Variants in PRRC2C observed in about 807,000 individuals in gnomAD.
The protein encoded by PRRC2C is proline rich coiled-coil 2C.
In PRRC2C, 72 loss-of-function variants were observed where a neutral mutation model predicts 317.2. That is an observed-to-expected ratio of 0.23 (90% CI 0.19 to 0.28). The LOEUF is 0.28. PRRC2C is among the 10% of genes least tolerant of loss of function. The pLI is 1.00. For synonymous variants in PRRC2C, 1,296 were observed against 1,205.9 expected, an observed-to-expected ratio of 1.07 and a Z score of -1.55; for missense variants, 3,074 against 3,459.7, an observed-to-expected ratio of 0.89 and a Z score of 2.80.
Position 171,541,881 on chromosome 1 carries a change from A to G in PRRC2C, c.4415A>G (p.Asn1472Ser). 1.2e-6 allele frequency: 2 copies of G among 1,613,848 alleles called. No individual in the cohort carries two copies. Among genetic ancestry groups the G allele is most frequent in the Non-Finnish European group, 1.7e-6 (2 of 1,179,840 alleles). Residue 1472 changes from asparagine to serine, a missense_variant, in exon 16 of 35, where the codon AAT becomes AGT. Asn to Ser is a conservative substitution (Grantham distance 46). Coordinates refer to ENST00000647382, the MANE Select transcript of PRRC2C (RefSeq NM_001387844.1). This position sits in a 1 kb window ranked among gnomAD's most constrained non-coding sequence, Gnocchi z 4.1. ...TVNNVAQEPV[N>S]TLGDISGNKT... ...AATAATGTGGCTCAAGAACCAGTTA[A>G]TACTCTTGGGGATATTTCCGGGAAT...
chr1:171,508,872 AT>A (rs564538191), intron 1 of PRRC2C, among the ~76,000 whole-genome samples: 215 of 149,650 alleles, frequency 1.4e-3, no homozygotes, highest in Middle Eastern at 3.4e-3. Flanking sequence ...CATCAATTTA[AT>A]TTTTTTTTTC....
At chr1:171,570,394 CAG>C (rs1247727297) in intron 23 of PRRC2C, among the ~76,000 whole-genome samples, 1 of 152,122 alleles carries the variant, frequency 6.6e-6, no homozygotes, top group East Asian at 1.9e-4. Flanking sequence ...TAGTATTACT[CAG>C]TAGTACAATC....
chr1:171,535,657 C>A, intron 13 of PRRC2C, 60 bp downstream of exon 13: 1 of 1,524,808 alleles, frequency 6.6e-7, no homozygotes, highest in Non-Finnish European at 8.9e-7. Flanking sequence ...ATGCAGTAGT[C>A]TGGGAAATTA....
intron 10 of PRRC2C, among the ~76,000 whole-genome samples, chr1:171,526,985 C>G (rs1191083381): frequency 2.8e-5 from 4 of 145,308 alleles, no homozygotes; most frequent in African/African-American, 1.0e-4. Context: ...ATTTTTGTAT[C>G]TTTAGTAGAG....
At chr1:171,589,311 T>TTG in intron 33 of PRRC2C, 58 bp from the exon 34 acceptor site, 1 of 533,810 alleles carries the variant, frequency 1.9e-6, no homozygotes, top group South Asian at 2.4e-5. Flanking sequence ...GTTGGCAGTT[T>TTG]TTTTTTTTTT....
At chr1:171,567,991 A>G (rs933377695) in intron 22 of PRRC2C, among the ~76,000 whole-genome samples, 2 of 152,226 alleles carry the variant, frequency 1.3e-5, no homozygotes, top group Non-Finnish European at 2.9e-5. Context: ...GTTCGAGACC[A>G]GCCTGGCCAA....
At chr1:171,555,424 A>G (rs752679909) in intron 18 of PRRC2C, among the ~76,000 whole-genome samples, 2 of 152,204 alleles carry the variant, frequency 1.3e-5, no homozygotes, top group African/African-American at 4.8e-5. Flanking sequence ...CCTTTAGCTC[A>G]GAGAAGTTTG....
intron 24 of PRRC2C, among the ~76,000 whole-genome samples, chr1:171,574,409 A>G (rs988086542): frequency 2.6e-5 from 4 of 152,186 alleles, no homozygotes; most frequent in African/African-American, 9.7e-5. Context: ...CTAGGAGAAG[A>G]AAATACAGCT....
intron 17 of PRRC2C, among the ~76,000 whole-genome samples, chr1:171,547,061 T>A (rs1679244661): frequency 6.6e-6 from 1 of 151,982 alleles, no homozygotes; most frequent in Non-Finnish European, 1.5e-5. Context: ...ACCTTGTCTC[T>A]AAAAATACAA....
chr1:171,576,791 C>G (rs1486373264), intron 25 of PRRC2C, among the ~76,000 whole-genome samples: 1 of 152,008 alleles, frequency 6.6e-6, no homozygotes, highest in East Asian at 1.9e-4. Context: ...CTCCTGGGTT[C>G]AAGCAATCCT....
chr1:171,562,346 T>C (rs1346762507), intron 20 of PRRC2C, among the ~76,000 whole-genome samples: 1 of 152,146 alleles, frequency 6.6e-6, no homozygotes, highest in Admixed American at 6.5e-5. Flanking sequence ...AGGTGGATCC[T>C]GTAGGGCCTA....
chr1:171,502,198 T>C (rs1293735935), intron 1 of PRRC2C, among the ~76,000 whole-genome samples: 2 of 152,238 alleles, frequency 1.3e-5, no homozygotes, highest in Non-Finnish European at 2.9e-5. Context: ...CCCTGAGACA[T>C]GACTTTTACA....
Position 171,547,914 on chromosome 1 carries a change from A to G in PRRC2C, c.4973-2172A>G, listed in dbSNP as rs556226897. 2.5e-3 allele frequency among the ~76,000 whole-genome samples: 375 copies of G among 152,212 alleles called. 1 individual carries two copies. The highest frequency in any genetic ancestry group is 4.0e-3 in the Non-Finnish European group (270 of 68,004). ...GTGATCCGCCCACCTTGGCCTCCCA[A>G]AGTGCTGGGATTAAAGGCATGAGCC... On this transcript the variant is annotated intron_variant, in intron 17 of 34. Coordinates refer to ENST00000647382, the MANE Select transcript of PRRC2C (RefSeq NM_001387844.1).
intron 13 of PRRC2C, 139 bp from the exon 14 acceptor site, chr1:171,535,890 C>A: frequency 2.6e-6 from 3 of 1,176,402 alleles, no homozygotes; most frequent in Non-Finnish European, 3.6e-6. Context: ...GTCTTGCCAA[C>A]TCTTAACTGT....
intron 1 of PRRC2C, among the ~76,000 whole-genome samples, chr1:171,505,729 T>C (rs2102185193): frequency 6.6e-6 from 1 of 152,268 alleles, no homozygotes; most frequent in South Asian, 2.1e-4. Context: ...AGGTTTTTGT[T>C]TTGTTTCTGT....
At position 171,550,481 on chromosome 1, in the gene PRRC2C, T is replaced by A. The variant is rs994614580; in HGVS notation, c.5127+241T>A. 5.8e-4 allele frequency among the ~76,000 whole-genome samples: 76 copies of A among 130,612 alleles called. 1 individual carries two copies. Among genetic ancestry groups the A allele is most frequent in the African/African-American group, 2.0e-4 (7 of 34,492 alleles). 85.7% of individuals were successfully genotyped at this position (130,612 alleles called of 152,430 possible). A position where few individuals can be genotyped will look rare whatever the true frequency, so the allele number is the denominator to read the frequency against. ...CAAAGACCATCTTTTTTTTTTTTTT[T>A]AAATACTGTAAGTTCTAGGGTACAT... On this transcript the variant is annotated intron_variant, in intron 18 of 34. Coordinates refer to ENST00000647382, the MANE Select transcript of PRRC2C (RefSeq NM_001387844.1).
chr1:171,567,922 C>T (rs1683985480), intron 22 of PRRC2C, among the ~76,000 whole-genome samples: 1 of 152,214 alleles, frequency 6.6e-6, no homozygotes, highest in Non-Finnish European at 1.5e-5. Flanking sequence ...CGTGGTGGCT[C>T]ATGCCAGTAA....
At chr1:171,489,905 A>T (rs1666803757) in intron 1 of PRRC2C, among the ~76,000 whole-genome samples, 1 of 152,130 alleles carries the variant, frequency 6.6e-6, no homozygotes, top group African/African-American at 2.4e-5. Flanking sequence ...CTTTTAATTA[A>T]ATGAATTTAA....
intron 16 of PRRC2C, among the ~76,000 whole-genome samples, chr1:171,544,508 T>G (rs1213839185): frequency 6.6e-6 from 1 of 152,222 alleles, no homozygotes; most frequent in Non-Finnish European, 1.5e-5. Context: ...AATTTTTACT[T>G]GGAATTTGAA....
Sources: gnomAD v4.1 joint callset for allele counts (sites outside exome capture counted in the v4.1 genomes callset) on GRCh38, gnomAD v4.1.1 for gene constraint, Gnocchi (gnomAD v3.1) non-coding constraint, MANE v1.5 for transcripts, NCBI Gene and HGNC (gene_info 2026-07-23, HGNC 2026-07-21) for gene names.